DLGAP2: variants seen among roughly 807,000 people sequenced by gnomAD.
The protein encoded by DLGAP2 is DLG associated protein 2.
In DLGAP2, 26 loss-of-function variants were observed where a neutral mutation model predicts 100.3. That is an observed-to-expected ratio of 0.26 (90% CI 0.19 to 0.36). The LOEUF is 0.36. Among genes scored for constraint, DLGAP2 ranks in the 10% least tolerant of loss-of-function variants. The pLI, the probability that DLGAP2 is intolerant of heterozygous loss-of-function variation, is 1.00. For synonymous variants in DLGAP2, 886 were observed against 630.1 expected (o/e 1.41, Z -6.08); for missense variants, 1,858 against 1,453.2 (o/e 1.28, Z -4.53).
At chr8:1,137,646 A>G (rs1796445084) in intron 2 of DLGAP2, 1 of 152,254 alleles carries the variant, frequency 6.6e-6, no homozygotes, top group Non-Finnish European at 1.5e-5. Flanking sequence ...CTGTCTTTCT[A>G]TAACGATTGG....
intron 4 of DLGAP2, among the ~76,000 whole-genome samples, chr8:1,521,911 G>A (rs1207026169): frequency 6.8e-6 from 1 of 148,106 alleles, no homozygotes; most frequent in African/African-American, 2.5e-5. Flanking sequence ...GGTGGCAGGT[G>A]ATATGGGGCA....
At chr8:838,498 G>A (rs1281336680) in intron 1 of DLGAP2, among the ~76,000 whole-genome samples, 3 of 151,784 alleles carry the variant, frequency 2.0e-5, no homozygotes, top group Non-Finnish European at 2.9e-5. Flanking sequence ...GATAATATAT[G>A]GGTCTTCAGG....
intron 3 of DLGAP2, among the ~76,000 whole-genome samples, chr8:1,340,628 C>G (rs1409394689): frequency 2.0e-5 from 3 of 152,198 alleles, no homozygotes; most frequent in African/African-American, 7.2e-5. Flanking sequence ...ACACTGTTAG[C>G]TGGGAGTGTA....
chr8:1,168,701 G>C (rs1305216227), intron 2 of DLGAP2, among the ~76,000 whole-genome samples: 15 of 144,640 alleles, frequency 1.0e-4, no homozygotes, highest in African/African-American at 4.1e-4. Flanking sequence ...GTCTGTTCAT[G>C]TCCTTTGCCC....
rs533382295 is a variant in DLGAP2, at chr8:1,704,722, T to C, written c.*3316T>C. ...AAACTTCAAGCACTTAATGGAAAGGTAAATGGTCAGATAAAAATATAATTA... is the reference window on the plus strand; with the variant it reads ...AAACTTCAAGCACTTAATGGAAAGGCAAATGGTCAGATAAAAATATAATTA... On this transcript the variant is annotated 3_prime_UTR_variant, in exon 15 of 15. Coordinates refer to ENST00000637795, the MANE Select transcript of DLGAP2 (RefSeq NM_001346810.2). 30 of 152,010 alleles carry C rather than the reference T, an allele frequency of 2.0e-4. No individual in the cohort carries two copies. The highest frequency in any genetic ancestry group is 1.5e-3 in the Admixed American group (23 of 15,272). 9.4% of individuals were successfully genotyped at this position (152,010 alleles called of 1,614,324 possible). A position where few individuals can be genotyped will look rare whatever the true frequency, so the allele number is the denominator to read the frequency against.
chr8:1,497,361 G>A (rs1289966728), intron 3 of DLGAP2, among the ~76,000 whole-genome samples: 2 of 152,200 alleles, frequency 1.3e-5, no homozygotes, highest in Admixed American at 6.5e-5. Context: ...GGGAAGTAAA[G>A]AGGCTAGGTG....
At chr8:937,377 T>C (rs1799095738) in intron 2 of DLGAP2, among the ~76,000 whole-genome samples, 2 of 152,238 alleles carry the variant, frequency 1.3e-5, no homozygotes, top group African/African-American at 4.8e-5. Flanking sequence ...GATCTAATTG[T>C]CACTGGCTTT....
chr8:1,066,041 T>C (rs894298175), intron 2 of DLGAP2, among the ~76,000 whole-genome samples: 3 of 152,336 alleles, frequency 2.0e-5, no homozygotes, highest in African/African-American at 7.2e-5. Flanking sequence ...CTAGGTCCGC[T>C]CGCTGGCTTG....
At chr8:1,313,638 T>A (rs1325244728) in intron 3 of DLGAP2, among the ~76,000 whole-genome samples, 1 of 152,172 alleles carries the variant, frequency 6.6e-6, no homozygotes, top group African/African-American at 2.4e-5. Context: ...GATTCAGGCT[T>A]CACAGCGGCA....
chr8:1,524,587 G>A (rs776235781), intron 4 of DLGAP2, among the ~76,000 whole-genome samples: 16 of 152,080 alleles, frequency 1.1e-4, no homozygotes, highest in African/African-American at 3.9e-4. Context: ...TTCTCCTTGT[G>A]TCCTCACAGC....
intron 3 of DLGAP2, among the ~76,000 whole-genome samples, chr8:1,355,608 C>G (rs185279480): frequency 6.6e-6 from 1 of 152,148 alleles, no homozygotes; most frequent in Non-Finnish European, 1.5e-5. Context: ...CATGATCCAC[C>G]TGTCTCGGCC....
chr8:1,510,101 G>A (rs1285646381), intron 4 of DLGAP2, among the ~76,000 whole-genome samples: 1 of 152,206 alleles, frequency 6.6e-6, no homozygotes, highest in Non-Finnish European at 1.5e-5. Context: ...GTAAGGATTT[G>A]CCCCTTTAAC....
At chr8:934,492 T>C (rs1383170481) in intron 2 of DLGAP2, among the ~76,000 whole-genome samples, 1 of 152,212 alleles carries the variant, frequency 6.6e-6, no homozygotes, top group East Asian at 1.9e-4. Flanking sequence ...AGGCCACCTC[T>C]TCGATTCTTG....
intron 3 of DLGAP2, among the ~76,000 whole-genome samples, chr8:1,306,624 C>T (rs1004766484): frequency 2.0e-5 from 3 of 151,872 alleles, no homozygotes; most frequent in Non-Finnish European, 4.4e-5. Context: ...GAGTCTCACA[C>T]TTCCTGATTT....
At chr8:1,419,322 CGTGT>C (rs142626887) in intron 3 of DLGAP2, among the ~76,000 whole-genome samples, 859 of 54,632 alleles carry the variant, frequency 0.016, 76 homozygotes, top group South Asian at 0.036. Flanking sequence ...CACTCTGATA[CGTGT>C]GTGTGTGTGT....
In DLGAP2 at chr8:1,626,863, G is replaced by T; in HGVS notation, c.1566G>T (p.Leu522=). The change falls in exon 7 of 15, where the codon CTG becomes CTT. Residue 522 remains leucine (L), a synonymous_variant. Transcript: ENST00000637795. Reference sequence around the variant, plus strand: ...GCTACATGAGGGCCGTCAGCACCCTGAGCCAGGCCAGCTGCGTGAGCCAGG... The same window carrying T: ...GCTACATGAGGGCCGTCAGCACCCTTAGCCAGGCCAGCTGCGTGAGCCAGG... ...NQSYMRAVST[L]SQASCVSQVS... The T allele has an allele frequency of 6.2e-7, 1 of 1,605,854 alleles. No individual in the cohort carries two copies. Among genetic ancestry groups the T allele is most frequent in the East Asian group, 2.2e-5 (1 of 44,490 alleles).
chr8:799,901 A>G (rs1383504589), intron 1 of DLGAP2, among the ~76,000 whole-genome samples: 2 of 152,136 alleles, frequency 1.3e-5, no homozygotes, highest in African/African-American at 4.8e-5. Context: ...CCGGCCCCTC[A>G]CTTTGAATTA....
intron 1 of DLGAP2, among the ~76,000 whole-genome samples, chr8:850,907 C>T (rs926229540): frequency 6.6e-5 from 10 of 152,138 alleles, no homozygotes; most frequent in African/African-American, 1.2e-4. Context: ...TATTGTCTTT[C>T]ACTCTCTCTG....
intron 2 of DLGAP2, among the ~76,000 whole-genome samples, chr8:1,184,013 C>A (rs2116708644): frequency 6.6e-6 from 1 of 152,282 alleles, no homozygotes; most frequent in South Asian, 2.1e-4. Flanking sequence ...TCACCATGAT[C>A]ACTGTTAATA....
Sources: allele counts gnomAD v4.1 joint callset (sites outside exome capture counted in the v4.1 genomes callset), GRCh38; gene constraint gnomAD v4.1.1; transcripts MANE v1.5; gene names NCBI Gene and HGNC (gene_info 2026-07-23, HGNC 2026-07-21).